The following C1orf87 variants were observed in gnomAD, a reference collection of about 807,000 sequenced individuals.
C1orf87 encodes the protein uncharacterized protein C1orf87.
C1orf87 carries 58 observed loss-of-function variants against 60.5 expected under a neutral mutation model. That is an observed-to-expected ratio of 0.96 (90% confidence interval 0.78 to 1.19). The LOEUF (loss-of-function observed/expected upper bound fraction) is 1.19, where lower values mean the gene tolerates loss of function less well. Ranked by LOEUF, C1orf87 falls within the 50% of genes most tolerant of loss-of-function variation. The pLI is 0.00. For missense variants in C1orf87, 673 were observed against 638.6 expected (o/e 1.05, Z -0.58); for synonymous variants, 236 against 227.4 (o/e 1.04, Z -0.34).
At chr1:60,067,559 GGTTTTTTTTT>G (rs1645556070) in intron 2 of C1orf87, among the ~76,000 whole-genome samples, 1 of 133,056 alleles carries the variant, frequency 7.5e-6, no homozygotes, top group Non-Finnish European at 1.6e-5. Context: ...TTTTTGATGG[GGTTTTTTTTT>G]TTTTTTTTTT....
At chr1:60,057,746 C>A (rs185821461) in intron 2 of C1orf87, among the ~76,000 whole-genome samples, 3 of 152,014 alleles carry the variant, frequency 2.0e-5, no homozygotes, top group Non-Finnish European at 2.9e-5. Context: ...TGGGTCTCAT[C>A]GGGGAAATGA....
chr1:60,050,500 ACTAT>A (rs1645406592), intron 3 of C1orf87, among the ~76,000 whole-genome samples: 1 of 147,108 alleles, frequency 6.8e-6, no homozygotes, highest in Non-Finnish European at 1.5e-5. Context: ...TGATTTTATA[ACTAT>A]CTAGTTTGCC....
At chr1:60,057,453 T>C (rs1312354462) in intron 2 of C1orf87, among the ~76,000 whole-genome samples, 1 of 152,110 alleles carries the variant, frequency 6.6e-6, no homozygotes, top group Non-Finnish European at 1.5e-5. Flanking sequence ...AGATAAGACT[T>C]TGTTATCATG....
At chr1:60,042,328 G>A (rs1196269302) in intron 3 of C1orf87, among the ~76,000 whole-genome samples, 4 of 151,942 alleles carry the variant, frequency 2.6e-5, no homozygotes, top group Admixed American at 2.0e-4. Flanking sequence ...TCTGCCTCCC[G>A]GGTTCAAGTG....
In C1orf87 at chr1:60,035,368, G is replaced by T. The variant is rs543887511; in HGVS notation, c.864-1727C>A. ...TGTATGGAACCCATTTACTGCAGCT[G>T]GTAGGGCTTCTTAGAAGGCCTGTTG... On this transcript the variant is annotated intron_variant, in intron 6 of 11. Coordinates refer to ENST00000371201, the MANE Select transcript of C1orf87 (RefSeq NM_152377.3). Among the ~76,000 whole-genome samples the T allele has an allele frequency of 1.2e-4, 19 of 152,314 alleles. No individual in the cohort carries two copies. In the South Asian group the frequency reaches 3.7e-3, roughly 30 times the overall value.
At chr1:60,062,040 G>A (rs1645501042) in intron 2 of C1orf87, among the ~76,000 whole-genome samples, 1 of 152,144 alleles carries the variant, frequency 6.6e-6, no homozygotes, top group African/African-American at 2.4e-5. Context: ...CTGCAAGGTT[G>A]ACTCAGGCTA....
At chr1:60,047,147 A>G (rs991574293) in intron 3 of C1orf87, among the ~76,000 whole-genome samples, 7 of 152,192 alleles carry the variant, frequency 4.6e-5, no homozygotes, top group African/African-American at 1.2e-4. Flanking sequence ...TTAAAGGGAA[A>G]CGTCCCTTCA....
chr1:60,021,706 C>G (rs1285950278), intron 8 of C1orf87, among the ~76,000 whole-genome samples: 1 of 152,222 alleles, frequency 6.6e-6, no homozygotes, highest in Non-Finnish European at 1.5e-5. Flanking sequence ...GCACTATCAT[C>G]TACTGTCTGT....
chr1:60,054,283 A>G (rs1453539619), intron 3 of C1orf87, among the ~76,000 whole-genome samples: 1 of 152,188 alleles, frequency 6.6e-6, no homozygotes, highest in Non-Finnish European at 1.5e-5. Context: ...GACCTTGCAG[A>G]GTATAGCCTG....
At chr1:60,026,311 TACA>T (rs1645197673) in intron 7 of C1orf87, among the ~76,000 whole-genome samples, 3 of 152,226 alleles carry the variant, frequency 2.0e-5, no homozygotes, top group African/African-American at 7.2e-5. Context: ...TTTTAGGTCC[TACA>T]ACTTCATTTA....
intron 8 of C1orf87, among the ~76,000 whole-genome samples, chr1:60,013,164 C>A (rs1359038825): frequency 1.3e-5 from 2 of 152,112 alleles, no homozygotes; most frequent in African/African-American, 4.8e-5. Flanking sequence ...TCAATCTGTA[C>A]AGCTGTACCA....
chr1:60,067,840 G>A (rs1416292500), intron 2 of C1orf87, among the ~76,000 whole-genome samples: 1 of 151,764 alleles, frequency 6.6e-6, no homozygotes, highest in African/African-American at 2.4e-5. Flanking sequence ...TTCTTCCAGG[G>A]TTTTTTTGGT....
At chr1:60,042,555 G>C (rs189926143) in intron 3 of C1orf87, among the ~76,000 whole-genome samples, 2 of 152,340 alleles carry the variant, frequency 1.3e-5, no homozygotes, top group East Asian at 3.9e-4. Flanking sequence ...AAGAATGACA[G>C]AGAGTTCTGA....
At chr1:60,055,121 T>A (rs1200931903) in intron 3 of C1orf87, 83 bp downstream of exon 3, 2 of 1,152,422 alleles carry the variant, frequency 1.7e-6, no homozygotes, top group African/African-American at 3.1e-5. Context: ...ATTTGTACAG[T>A]GTGTTTTTGT....
intron 8 of C1orf87, among the ~76,000 whole-genome samples, chr1:60,020,643 A>G (rs1281039235): frequency 6.6e-6 from 1 of 152,158 alleles, no homozygotes; most frequent in Non-Finnish European, 1.5e-5. Context: ...CATTTACCCA[A>G]TGCCTGTACT....
In C1orf87 at chr1:59,999,092, T is replaced by C. The variant is rs1031553625; in HGVS notation, c.1273-1276A>G. Among the ~76,000 whole-genome samples, 47 of 152,150 alleles carry C rather than the reference T, an allele frequency of 3.1e-4. 1 individual carries two copies. Among genetic ancestry groups the C allele is most frequent in the Non-Finnish European group, 4.9e-4 (33 of 68,018 alleles). On this transcript the variant is annotated intron_variant, in intron 10 of 11. Coordinates refer to ENST00000371201, the MANE Select transcript of C1orf87 (RefSeq NM_152377.3). ...ATTTTGTACCTTTGTCTCAAACTTC[T>C]CGTATATAAGCTGTGAGAATCCCAG...
chr1:60,020,663 T>A (rs1296071686), intron 8 of C1orf87, among the ~76,000 whole-genome samples: 2 of 152,206 alleles, frequency 1.3e-5, no homozygotes, highest in Non-Finnish European at 1.5e-5. Context: ...TCCCACTGTA[T>A]CTTGGAAGTA....
rs548911047 is a variant in C1orf87 at position 60,063,543 on chromosome 1, T to G, written c.108-8105A>C. On this transcript the variant is annotated intron_variant, in intron 2 of 11. Transcript: ENST00000371201. ...AAGTTTCTACTATGGCCCTACTGGCTTCTCTGACCTTATTTCCTGCTCCTC... is the reference window on the plus strand; with the variant it reads ...AAGTTTCTACTATGGCCCTACTGGCGTCTCTGACCTTATTTCCTGCTCCTC... Among the ~76,000 whole-genome samples the G allele has an allele frequency of 7.9e-5, 12 of 152,278 alleles. No homozygotes were observed. In the South Asian group the frequency reaches 1.0e-3, roughly 13 times the overall value.
intron 11 of C1orf87, among the ~76,000 whole-genome samples, chr1:59,991,813 C>G (rs1644925467): frequency 6.6e-6 from 1 of 152,086 alleles, no homozygotes; most frequent in African/African-American, 2.4e-5. Context: ...ATTTTGATGG[C>G]TGTTGGGAGG....
Sources: gnomAD v4.1 joint callset for allele counts (sites outside exome capture counted in the v4.1 genomes callset) on GRCh38, gnomAD v4.1.1 for gene constraint, MANE v1.5 for transcripts, NCBI Gene and HGNC (gene_info 2026-07-23, HGNC 2026-07-21) for gene names.